Variants in PSME3IP1 observed in about 807,000 individuals in gnomAD.
PSME3IP1 encodes the protein proteasome activator subunit 3 interacting protein 1.
A neutral mutation model predicts 34.1 loss-of-function variants in PSME3IP1; 13 were observed. The ratio of observed to expected loss-of-function variants is 0.38; its 90% CI spans 0.25 to 0.61. The LOEUF is 0.61. Among genes scored for constraint, PSME3IP1 ranks in the 20% least tolerant of loss-of-function variants. PSME3IP1 has a pLI of 0.60. For missense variants in PSME3IP1, 237 were observed against 301.4 expected (o/e 0.79, Z 1.58); for synonymous variants, 93 against 114.3 (o/e 0.81, Z 1.19).
chr16:57,166,544 T>C (rs1486772624), intron 5 of PSME3IP1, among the ~76,000 whole-genome samples: 1 of 152,162 alleles, frequency 6.6e-6, no homozygotes, highest in Admixed American at 6.5e-5. Flanking sequence ...ATCTTTCCAA[T>C]GGTTTCCCCC....
chr16:57,156,496 T>G (rs2070546400), intron 6 of PSME3IP1, among the ~76,000 whole-genome samples: 1 of 152,156 alleles, frequency 6.6e-6, no homozygotes, highest in South Asian at 2.1e-4. Context: ...AGGAGATCAA[T>G]GTATTTGCTT....
At chr16:57,165,967 C>T (rs2071825139) in intron 5 of PSME3IP1, among the ~76,000 whole-genome samples, 1 of 151,746 alleles carries the variant, frequency 6.6e-6, no homozygotes, top group South Asian at 2.1e-4. Context: ...GACCCAGGTC[C>T]AAATCCTGCG....
chr16:57,172,302 T>G lies in PSME3IP1; in HGVS notation c.297A>C (p.Leu99=). The change falls in exon 4 of 7, where the codon CTA becomes CTC. Residue 99 remains leucine (L), a synonymous_variant. Transcript: ENST00000309137. ...FLDEVSRQQE[L]IEKQRREEEL... Reference sequence around the variant, plus strand: ...CTTCTTCTCTTCGTTGCTTTTCTATTAGTTCCTGCTGTCGAGAAACCTCAT... The same window carrying G: ...CTTCTTCTCTTCGTTGCTTTTCTATGAGTTCCTGCTGTCGAGAAACCTCAT... The G allele has an allele frequency of 6.2e-7, 1 of 1,614,024 alleles. No homozygotes were observed. Among genetic ancestry groups the G allele is most frequent in the Non-Finnish European group, 8.5e-7 (1 of 1,179,994 alleles).
chr16:57,174,319 T>G, intron 1 of PSME3IP1: 4 of 483,498 alleles, frequency 8.3e-6, no homozygotes, highest in Non-Finnish European at 1.1e-5. Context: ...TCTCAAATAG[T>G]TTAATTTATA....
At chr16:57,162,198 G>A (rs1024932663) in intron 6 of PSME3IP1, among the ~76,000 whole-genome samples, 1 of 152,112 alleles carries the variant, frequency 6.6e-6, no homozygotes, top group South Asian at 2.1e-4. Context: ...CACTGCGCCT[G>A]GCCTGTGATT....
chr16:57,185,688 T>A, intron 1 of PSME3IP1, 133 bp downstream of exon 1: 2 of 985,476 alleles, frequency 2.0e-6, no homozygotes, highest in East Asian at 1.1e-4. Flanking sequence ...CTTCGGCTAC[T>A]CCGGACAAGG....
chr16:57,181,123 T>A (rs921424154), intron 1 of PSME3IP1, among the ~76,000 whole-genome samples: 1 of 152,204 alleles, frequency 6.6e-6, no homozygotes. Flanking sequence ...GTCTCAAATG[T>A]GCATTTATCT....
chr16:57,158,637 A>G (rs1468347696), intron 6 of PSME3IP1, among the ~76,000 whole-genome samples: 1 of 152,194 alleles, frequency 6.6e-6, no homozygotes, highest in Non-Finnish European at 1.5e-5. Context: ...GGATATATAG[A>G]TCAGTTACCT....
chr16:57,167,138 T>C lies in PSME3IP1; in HGVS notation c.437A>G (p.Lys146Arg), dbSNP rs746174590. The C allele has an allele frequency of 3.7e-6, 6 of 1,614,060 alleles. No homozygotes were observed. Among genetic ancestry groups the C allele is most frequent in the South Asian group, 1.1e-5 (1 of 91,092 alleles). ...TGCCAACAGCTTCGCCTGGGAGAAC[T>C]TGTTCTTGGTTTCTATAGGCTTCAC... ...LTVKPIETKN[K>R]FSQAKLLAGA... is the part of the protein sequence containing the mutation. The change falls in exon 5 of 7, where the codon AAG becomes AGG. Residue 146 changes from lysine to arginine, a missense_variant. By Grantham distance (26) the Lys-to-Arg change is conservative. Coordinates refer to ENST00000309137, the MANE Select transcript of PSME3IP1 (RefSeq NM_024946.4).
At chr16:57,156,687 T>C (rs2070574699) in intron 6 of PSME3IP1, among the ~76,000 whole-genome samples, 2 of 152,256 alleles carry the variant, frequency 1.3e-5, no homozygotes, top group African/African-American at 4.8e-5. Context: ...CTTAAGATAC[T>C]AAGAGTTCTT....
At chr16:57,173,195 G>A (rs2072798020) in intron 2 of PSME3IP1, among the ~76,000 whole-genome samples, 1 of 152,176 alleles carries the variant, frequency 6.6e-6, no homozygotes, top group Non-Finnish European at 1.5e-5. Flanking sequence ...CTGTATAGAT[G>A]GAGGAGAGGA....
At chr16:57,180,803 C>G (rs532039206) in intron 1 of PSME3IP1, among the ~76,000 whole-genome samples, 1 of 151,944 alleles carries the variant, frequency 6.6e-6, no homozygotes, top group South Asian at 2.1e-4. Context: ...GCCTGCAGTC[C>G]CAAAGCTGTG....
chr16:57,160,793 A>C (rs2071138156), intron 6 of PSME3IP1, among the ~76,000 whole-genome samples: 1 of 152,240 alleles, frequency 6.6e-6, no homozygotes, highest in South Asian at 2.1e-4. Flanking sequence ...TTAGATTAAA[A>C]TACTACTAAC....
At chr16:57,184,632 G>A (rs2146054202) in intron 1 of PSME3IP1, among the ~76,000 whole-genome samples, 1 of 152,308 alleles carries the variant, frequency 6.6e-6, no homozygotes, top group African/African-American at 2.4e-5. Context: ...TACGTACATC[G>A]CACTTGTTAC....
At chr16:57,164,821 C>G (rs1462430850) in intron 5 of PSME3IP1, among the ~76,000 whole-genome samples, 12 of 152,068 alleles carry the variant, frequency 7.9e-5, no homozygotes, top group African/African-American at 2.9e-4. Context: ...CACCTGAGGT[C>G]AGGTGTTTGA....
At position 57,153,415 on chromosome 16, in the gene PSME3IP1, T is replaced by G. The variant is rs2070151126; in HGVS notation, c.*875A>C. On this transcript the variant is annotated 3_prime_UTR_variant, in exon 7 of 7. Coordinates refer to ENST00000309137, the MANE Select transcript of PSME3IP1 (RefSeq NM_024946.4). ...GTCACAATATGCAAGTGTGTCCCAC[T>G]CATTTACAATATTAGGATTCCAGGA... 6.6e-6 allele frequency: 1 copy of G among 152,256 alleles called. No individual in the cohort carries two copies. The highest frequency in any genetic ancestry group is 1.5e-5 in the Non-Finnish European group (1 of 68,056). 9.4% of individuals were successfully genotyped at this position (152,256 alleles called of 1,614,324 possible). A position where few individuals can be genotyped will look rare whatever the true frequency, so the allele number is the denominator to read the frequency against.
intron 3 of PSME3IP1, 30 bp downstream of exon 3, chr16:57,172,746 C>T: frequency 6.8e-7 from 1 of 1,478,006 alleles, no homozygotes; most frequent in Non-Finnish European, 9.5e-7. Context: ...CCCACAGAGC[C>T]CCTTGAACTC....
At chr16:57,176,522 G>C (rs1201139915) in intron 1 of PSME3IP1, among the ~76,000 whole-genome samples, 1 of 152,192 alleles carries the variant, frequency 6.6e-6, no homozygotes, top group Non-Finnish European at 1.5e-5. Flanking sequence ...TGACTGTTAG[G>C]ATAGTTCTTC....
At chr16:57,178,773 TA>T (rs1483637542) in intron 1 of PSME3IP1, 5 of 985,298 alleles carry the variant, frequency 5.1e-6, no homozygotes, top group Non-Finnish European at 6.0e-6. Context: ...TTCAACTGAT[TA>T]AAAATGGTCA....
Sources: gnomAD v4.1 joint callset for allele counts (sites outside exome capture counted in the v4.1 genomes callset) on GRCh38, gnomAD v4.1.1 for gene constraint, MANE v1.5 for transcripts, NCBI Gene and HGNC (gene_info 2026-07-23, HGNC 2026-07-21) for gene names.